ACYP2: variants seen among roughly 807,000 people sequenced by gnomAD.
The protein encoded by ACYP2 is acylphosphatase-2.
ACYP2 carries 12 observed loss-of-function variants against 11.2 expected under a neutral mutation model. The observed-to-expected ratio is 1.08, with a 90% CI of 0.69 to 1.74. The LOEUF is 1.74. Ranked by LOEUF, ACYP2 falls within the 40% of genes most tolerant of loss-of-function variation. ACYP2 has a pLI of 0.00. For missense variants in ACYP2, 134 were observed against 101.9 expected (o/e 1.31, Z -1.35); for synonymous variants, 43 against 32.2 (o/e 1.33, Z -1.13).
intron 6 of ACYP2, among the ~76,000 whole-genome samples, chr2:54,303,573 C>G (rs553328694): frequency 6.6e-6 from 1 of 152,256 alleles, no homozygotes; most frequent in South Asian, 2.1e-4. Context: ...CCAAACTAAT[C>G]TCACCCAGTA....
intron 1 of ACYP2, among the ~76,000 whole-genome samples, chr2:53,972,270 A>G (rs1671185482): frequency 2.0e-5 from 3 of 149,180 alleles, no homozygotes; most frequent in Admixed American, 1.3e-4. Flanking sequence ...AGATCGCGCC[A>G]GGGCACTCCA....
chr2:54,254,384 G>A (rs924564485), intron 6 of ACYP2: 1 of 153,688 alleles, frequency 6.5e-6, no homozygotes, highest in Admixed American at 6.5e-5. Context: ...CTTGGGAATA[G>A]CCAGTAGCAG....
chr2:54,050,495 G>C (rs1215917163), intron 2 of ACYP2, among the ~76,000 whole-genome samples: 2 of 148,148 alleles, frequency 1.3e-5, no homozygotes, highest in African/African-American at 5.0e-5. Context: ...GCTGCAGTTA[G>C]CATGATATCT....
In ACYP2 at chr2:54,188,023, G is replaced by A. The variant is rs10180053; in HGVS notation, c.404+49275G>A. ...GTGCTGCCTTAGAAGCAGAGAGACC[G>A]GGCACAAACCTGTCGTAGCCCTGAT... On this transcript the variant is annotated intron_variant, in intron 6 of 6. Coordinates refer to ENST00000607452, the MANE Select transcript of ACYP2 (RefSeq NM_001320586.2). Among the ~76,000 whole-genome samples the A allele has an allele frequency of 7.5e-3, 1,146 of 152,272 alleles. 7 individuals are homozygous for A. Among genetic ancestry groups the A allele is most frequent in the African/African-American group, 0.026 (1,095 of 41,544 alleles).
At chr2:54,214,965 C>T (rs1205509841) in intron 6 of ACYP2, among the ~76,000 whole-genome samples, 1 of 152,166 alleles carries the variant, frequency 6.6e-6, no homozygotes, top group Non-Finnish European at 1.5e-5. Flanking sequence ...AGATCTTTCA[C>T]CTTCCTAGTT....
intron 6 of ACYP2, among the ~76,000 whole-genome samples, chr2:54,295,746 G>C (rs1348618159): frequency 6.6e-6 from 1 of 151,994 alleles, no homozygotes; most frequent in African/African-American, 2.4e-5. Flanking sequence ...CTAATAGTAA[G>C]ACCTATCCTG....
At chr2:54,237,207 A>G (rs1489118154) in intron 6 of ACYP2, among the ~76,000 whole-genome samples, 2 of 152,216 alleles carry the variant, frequency 1.3e-5, no homozygotes, top group African/African-American at 4.8e-5. Context: ...TCTTGGAATC[A>G]ATCCCACATG....
chr2:54,172,500 C>T (rs983349394), intron 6 of ACYP2, among the ~76,000 whole-genome samples: 1 of 152,176 alleles, frequency 6.6e-6, no homozygotes, highest in Non-Finnish European at 1.5e-5. Flanking sequence ...GTGTGTAACC[C>T]ATGGCAGTGA....
At chr2:54,086,503 G>T (rs1359174321) in intron 4 of ACYP2, among the ~76,000 whole-genome samples, 1 of 152,178 alleles carries the variant, frequency 6.6e-6, no homozygotes, top group African/African-American at 2.4e-5. Flanking sequence ...ATTCTCCAAA[G>T]AATATAAGGT....
At chr2:54,042,766 T>C (rs990701300) in intron 2 of ACYP2, among the ~76,000 whole-genome samples, 4 of 152,146 alleles carry the variant, frequency 2.6e-5, no homozygotes, top group African/African-American at 9.7e-5. Flanking sequence ...GAGGCAAATG[T>C]TACCATCTGT....
intron 2 of ACYP2, among the ~76,000 whole-genome samples, chr2:54,049,731 A>G (rs1010830974): frequency 3.9e-5 from 6 of 152,222 alleles, no homozygotes; most frequent in African/African-American, 1.4e-4. Context: ...GTATCTCCTC[A>G]TCTCAGAATA....
intron 2 of ACYP2, among the ~76,000 whole-genome samples, chr2:54,035,685 G>A (rs1244527371): frequency 6.6e-6 from 1 of 152,100 alleles, no homozygotes; most frequent in African/African-American, 2.4e-5. Context: ...ACAATTCTAG[G>A]ATTAGAATGG....
chr2:54,151,957 C>G (rs1242058168), intron 6 of ACYP2, among the ~76,000 whole-genome samples: 1 of 152,020 alleles, frequency 6.6e-6, no homozygotes, highest in Non-Finnish European at 1.5e-5. Flanking sequence ...GTGGAAACTA[C>G]AGAGAGTTTC....
At chr2:54,296,885 C>G (rs1415876906) in intron 6 of ACYP2, among the ~76,000 whole-genome samples, 1 of 152,026 alleles carries the variant, frequency 6.6e-6, no homozygotes, top group Non-Finnish European at 1.5e-5. Flanking sequence ...ATCAGTGGAT[C>G]ACCCTTCTTA....
chr2:54,234,409 A>G (rs140292269), intron 6 of ACYP2, among the ~76,000 whole-genome samples: 50 of 152,294 alleles, frequency 3.3e-4, no homozygotes, highest in African/African-American at 1.2e-3. Flanking sequence ...CTTCATGATC[A>G]TACTGGTAAA....
At chr2:54,119,663 T>A (rs1192980694) in intron 4 of ACYP2, among the ~76,000 whole-genome samples, 1 of 152,168 alleles carries the variant, frequency 6.6e-6, no homozygotes, top group Non-Finnish European at 1.5e-5. Context: ...CTTGCTTGAG[T>A]TTATTGCAGA....
At chr2:54,179,300 T>C (rs1337388058) in intron 6 of ACYP2, among the ~76,000 whole-genome samples, 1 of 152,096 alleles carries the variant, frequency 6.6e-6, no homozygotes, top group Non-Finnish European at 1.5e-5. Context: ...CAATTAGTTT[T>C]GTAGCAGATA....
intron 6 of ACYP2, among the ~76,000 whole-genome samples, chr2:54,191,386 G>A (rs1369290109): frequency 1.3e-5 from 2 of 152,122 alleles, no homozygotes; most frequent in African/African-American, 4.8e-5. Context: ...ACACACAAAT[G>A]CTGCCTCAGG....
At chr2:54,245,988 G>C (rs1686932177) in intron 6 of ACYP2, among the ~76,000 whole-genome samples, 1 of 152,024 alleles carries the variant, frequency 6.6e-6, no homozygotes, top group African/African-American at 2.4e-5. Flanking sequence ...TATAGTTTTA[G>C]GTATTACATT....
Sources: allele counts gnomAD v4.1 joint callset (sites outside exome capture counted in the v4.1 genomes callset), GRCh38; gene constraint gnomAD v4.1.1; transcripts MANE v1.5; gene names NCBI Gene and HGNC (gene_info 2026-07-23, HGNC 2026-07-21).